Variants in CALD1 observed in about 807,000 individuals in gnomAD.
CALD1 encodes caldesmon.
Under a neutral mutation model 99.9 loss-of-function variants are expected in CALD1, and 33 were observed. That is an observed-to-expected ratio of 0.33 (90% CI 0.25 to 0.44). The LOEUF is 0.44. Ranked by LOEUF, CALD1 falls within the 20% of genes least tolerant of loss-of-function variation. The probability of loss-of-function intolerance (pLI) is 1.00; values close to 1 mark genes in which losing one functional copy is unlikely to be tolerated. For synonymous variants in CALD1, 310 were observed against 325.0 expected, an observed-to-expected ratio of 0.95 and a Z score of 0.50; for missense variants, 861 against 962.1, an observed-to-expected ratio of 0.89 and a Z score of 1.39.
intron 1 of CALD1, among the ~76,000 whole-genome samples, chr7:134,801,398 T>C (rs1797935913): frequency 6.6e-6 from 1 of 152,216 alleles, no homozygotes; most frequent in South Asian, 2.1e-4. Context: ...TCACCCTTGC[T>C]TCTAGCATCT....
intron 1 of CALD1, among the ~76,000 whole-genome samples, chr7:134,761,310 G>A (rs982871496): frequency 1.3e-5 from 2 of 151,970 alleles, no homozygotes; most frequent in South Asian, 2.1e-4. Context: ...TCCTCTCTGC[G>A]CGCAGTGGAA....
chr7:134,920,504 C>A, intron 3 of CALD1: 1 of 1,119,402 alleles, frequency 8.9e-7, no homozygotes. Flanking sequence ...GAGCCCCAGG[C>A]ATTCTTCTTT....
chr7:134,765,575 G>T (rs906990685), intron 1 of CALD1, among the ~76,000 whole-genome samples: 1 of 152,156 alleles, frequency 6.6e-6, no homozygotes, highest in South Asian at 2.1e-4. Flanking sequence ...GAGAAGGGCA[G>T]GTACAGTGTC....
chr7:134,965,043 T>C (rs1808564359), intron 13 of CALD1, among the ~76,000 whole-genome samples: 1 of 151,840 alleles, frequency 6.6e-6, no homozygotes, highest in South Asian at 2.1e-4. Context: ...TTGAAATCAG[T>C]AGATGGAGGT....
chr7:134,895,907 G>T (rs1420426538), intron 3 of CALD1, among the ~76,000 whole-genome samples: 1 of 152,088 alleles, frequency 6.6e-6, no homozygotes, highest in Non-Finnish European at 1.5e-5. Flanking sequence ...CTATTCAGTA[G>T]GTTCACATCT....
At chr7:134,901,556 G>C (rs1803001409) in intron 3 of CALD1, among the ~76,000 whole-genome samples, 1 of 152,096 alleles carries the variant, frequency 6.6e-6, no homozygotes, top group South Asian at 2.1e-4. Context: ...TAGCTTCTGA[G>C]GGCTGCTTTG....
intron 3 of CALD1, among the ~76,000 whole-genome samples, chr7:134,868,919 C>T (rs2132329422): frequency 6.6e-6 from 1 of 152,288 alleles, no homozygotes; most frequent in Admixed American, 6.5e-5. Context: ...TCTACATAGC[C>T]TGTGTGATTG....
chr7:134,862,965 G>GCTTT (rs1800625979), intron 2 of CALD1, among the ~76,000 whole-genome samples: 1 of 152,174 alleles, frequency 6.6e-6, no homozygotes, highest in Non-Finnish European at 1.5e-5. Flanking sequence ...CTCTTTCTCA[G>GCTTT]CTTTCTGGTG....
chr7:134,880,526 G>A (rs1424258922), intron 3 of CALD1, among the ~76,000 whole-genome samples: 1 of 152,150 alleles, frequency 6.6e-6, no homozygotes, highest in African/African-American at 2.4e-5. Flanking sequence ...CTTTCCCAAG[G>A]CACAATTGGC....
In CALD1 at chr7:134,772,325, G is replaced by T. The variant is rs1434447462; in HGVS notation, c.-130+27962G>T. Among the ~76,000 whole-genome samples, 4 of 152,056 alleles carry T rather than the reference G, an allele frequency of 2.6e-5. No homozygotes were observed. In the East Asian group the frequency reaches 7.7e-4, roughly 29 times the overall value. On this transcript the variant is annotated intron_variant, in intron 1 of 13. Transcript: ENST00000417172. ...TTCCAGGCTGGCCTCAAACTCCTGG[G>T]CTCAAGCGGTCTGCCTGCCTCAGCC...
At chr7:134,912,270 G>A (rs1243280522) in intron 3 of CALD1, among the ~76,000 whole-genome samples, 2 of 152,186 alleles carry the variant, frequency 1.3e-5, no homozygotes, top group Admixed American at 6.5e-5. Context: ...TGGGGCCTTC[G>A]CTTGGCCCTG....
intron 7 of CALD1, among the ~76,000 whole-genome samples, chr7:134,943,559 T>C (rs1806624799): frequency 6.6e-6 from 1 of 152,206 alleles, no homozygotes; most frequent in Non-Finnish European, 1.5e-5. Flanking sequence ...TACCAAGGGT[T>C]TTATAGAAAG....
intron 7 of CALD1, among the ~76,000 whole-genome samples, chr7:134,941,858 C>T (rs1245241970): frequency 6.6e-6 from 1 of 152,096 alleles, no homozygotes; most frequent in East Asian, 1.9e-4. Context: ...TCTTGTATAG[C>T]TTGAGCTTTC....
chr7:134,804,287 C>T (rs1427106847), intron 1 of CALD1, among the ~76,000 whole-genome samples: 1 of 152,138 alleles, frequency 6.6e-6, no homozygotes, highest in Non-Finnish European at 1.5e-5. Flanking sequence ...GCTACTATCC[C>T]CCATGATTTA....
chr7:134,962,472 GAAGAA>G (rs2133272154), intron 13 of CALD1: 1 of 182,338 alleles, frequency 5.5e-6, no homozygotes, highest in East Asian at 1.3e-4. Context: ...CCTAGAGGGT[GAAGAA>G]AAGGAAAGAA....
intron 1 of CALD1, among the ~76,000 whole-genome samples, chr7:134,797,064 G>A (rs1229884001): frequency 4.0e-5 from 6 of 150,986 alleles, no homozygotes; most frequent in Non-Finnish European, 4.4e-5. Context: ...TTGCTCTGTC[G>A]CCCAGGCTTG....
At chr7:134,954,226 G>A (rs879154989) in intron 9 of CALD1, among the ~76,000 whole-genome samples, 1 of 152,122 alleles carries the variant, frequency 6.6e-6, no homozygotes, top group African/African-American at 2.4e-5. Context: ...TGTTAGCAGT[G>A]ACTGATTTTC....
At chr7:134,774,990 A>T (rs2131642445), upstream of CALD1, among the ~76,000 whole-genome samples, 1 of 151,968 alleles carries the variant, frequency 6.6e-6, no homozygotes, top group South Asian at 2.1e-4. Flanking sequence ...TAGTCTTTTC[A>T]TTTGTTAATT....
intron 9 of CALD1, among the ~76,000 whole-genome samples, chr7:134,951,626 C>T (rs1807345058): frequency 6.6e-6 from 1 of 152,076 alleles, no homozygotes; most frequent in African/African-American, 2.4e-5. Context: ...TGGCTTTGGT[C>T]CTATGACAGC....
Sources: allele counts gnomAD v4.1 joint callset (sites outside exome capture counted in the v4.1 genomes callset), GRCh38; gene constraint gnomAD v4.1.1; transcripts MANE v1.5; gene names NCBI Gene and HGNC (gene_info 2026-07-23, HGNC 2026-07-21).